The following ITFG2 variants were observed in gnomAD, a reference collection of about 807,000 sequenced individuals.
ITFG2 encodes the protein integrin alpha FG-GAP repeat containing 2, also known as KICSTOR complex protein ITFG2.
ITFG2 carries 36 observed loss-of-function variants against 54.4 expected under a neutral mutation model. The observed-to-expected ratio is 0.66, with a 90% CI of 0.51 to 0.87. ITFG2 has a LOEUF of 0.87. Among genes scored for constraint, ITFG2 ranks in the 40% least tolerant of loss-of-function variants. The pLI is 0.00. For synonymous variants in ITFG2, 211 were observed against 225.4 expected, an observed-to-expected ratio of 0.94 and a Z score of 0.57; for missense variants, 524 against 576.7, an observed-to-expected ratio of 0.91 and a Z score of 0.94.
intron 9 of ITFG2, 152 bp from the exon 10 acceptor site, chr12:2,822,642 T>G (rs571278714): frequency 1.5e-6 from 1 of 686,726 alleles, no homozygotes; most frequent in Admixed American, 2.4e-5. Context: ...GCCTACTTCC[T>G]AGGGTGGCTG....
chr12:2,853,083 G>A (rs961842230), intron 2 of ITFG2, among the ~76,000 whole-genome samples: 3 of 152,074 alleles, frequency 2.0e-5, no homozygotes, highest in African/African-American at 7.2e-5. Flanking sequence ...ATACAGAGAA[G>A]TGTTTGGCAG....
Position 2,818,403 on chromosome 12 carries a change from C to A in ITFG2, c.406+126C>A, listed in dbSNP as rs150644442. The A allele has an allele frequency of 9.2e-6, 14 of 1,514,514 alleles. No individual in the cohort carries two copies. In the East Asian group the frequency reaches 3.4e-4, roughly 37 times the overall value. The allele number at this position is 1,514,514 out of a possible 1,614,324, so 93.8% of individuals were successfully genotyped here. A position where few individuals can be genotyped will look rare whatever the true frequency, so the allele number is the denominator to read the frequency against. ...GTATGCATTTGTTATGTGCTGAGCT[C>A]CCATGATAAGCCAGGCATCACTCAA... On this transcript the variant is annotated intron_variant, in intron 4 of 11. Coordinates refer to ENST00000228799, the MANE Select transcript of ITFG2 (RefSeq NM_018463.4).
chr12:2,855,398 G>T, intron 2 of ITFG2: 2 of 1,496,700 alleles, frequency 1.3e-6, no homozygotes, highest in South Asian at 2.5e-5. Flanking sequence ...AAGAACTCAC[G>T]CTGAGCCCAC....
intron 2 of ITFG2, among the ~76,000 whole-genome samples, chr12:2,853,134 G>C (rs774131695): frequency 1.1e-4 from 17 of 151,980 alleles, no homozygotes; most frequent in Middle Eastern, 3.4e-3. Flanking sequence ...AGTCTCTCTG[G>C]AGTACTCTAA....
chr12:2,814,902 C>A (rs112576221), intron 1 of ITFG2, among the ~76,000 whole-genome samples: 33 of 152,088 alleles, frequency 2.2e-4, no homozygotes, highest in South Asian at 1.5e-3. Context: ...TTAAAAAAAA[C>A]CAGTTTTATG....
chr12:2,836,903 A>C (rs2098029377), exon 1 of ITFG2: 1 of 152,224 alleles, frequency 6.6e-6, no homozygotes, highest in Admixed American at 6.5e-5. Context: ...TACAGCTGTC[A>C]GAAGGAACCA....
At chr12:2,821,054 C>T (rs1183728437) in intron 6 of ITFG2, among the ~76,000 whole-genome samples, 182 bp downstream of exon 6, 3 of 152,224 alleles carry the variant, frequency 2.0e-5, no homozygotes. Context: ...TGGGCTCTAA[C>T]TTTGTAGCAC....
At chr12:2,853,832 A>G (rs1222314339) in intron 2 of ITFG2, among the ~76,000 whole-genome samples, 3 of 152,008 alleles carry the variant, frequency 2.0e-5, no homozygotes, top group Non-Finnish European at 4.4e-5. Context: ...GCTCCTCTCA[A>G]CGTTCCTGGC....
At chr12:2,859,534 G>A in exon 4 of ITFG2, 1 of 1,614,040 alleles carries the variant, frequency 6.2e-7, no homozygotes, top group South Asian at 1.1e-5. Context: ...TCCTCCCCAG[G>A]CTGGATTTCT....
chr12:2,818,177 T>C lies in ITFG2; in HGVS notation c.306T>C (p.Asp102=). 6.2e-7 allele frequency: 1 copy of C among 1,614,184 alleles called. No homozygotes were observed. Among genetic ancestry groups the C allele is most frequent in the Middle Eastern group, 1.6e-4 (1 of 6,062 alleles). The part of the protein sequence containing the change: ...LFDLTPAKVL[D]ASGHHETLIG... ...ACCTGACACCTGCCAAGGTGTTGGATGCTTCTGGGCACCACGAGACACTAA... is the reference window on the plus strand; with the variant it reads ...ACCTGACACCTGCCAAGGTGTTGGACGCTTCTGGGCACCACGAGACACTAA... Residue 102 remains aspartate, a synonymous_variant, in exon 4 of 12, where the codon GAT becomes GAC. Coordinates refer to ENST00000228799, the MANE Select transcript of ITFG2 (RefSeq NM_018463.4).
Position 2,812,933 on chromosome 12 carries a change from A to C in ITFG2, c.96+77A>C, listed in dbSNP as rs999831304. The C allele has an allele frequency of 3.8e-5, 48 of 1,275,978 alleles. No homozygotes were observed. In the Middle Eastern group the frequency reaches 6.6e-4, roughly 18 times the overall value. The allele number at this position is 1,275,978 out of a possible 1,614,324, so 79.0% of individuals were successfully genotyped here. A position where few individuals can be genotyped will look rare whatever the true frequency, so the allele number is the denominator to read the frequency against. ...CAAGGGAAGTGGAAGAGGCCGCCCG[A>C]GCGTGCCACGTGAGCGTGAGCATGC... On this transcript the variant is annotated intron_variant, in intron 1 of 11. Coordinates refer to ENST00000228799, the MANE Select transcript of ITFG2 (RefSeq NM_018463.4).
intron 2 of ITFG2, among the ~76,000 whole-genome samples, chr12:2,849,921 G>C (rs945626241): frequency 6.6e-6 from 1 of 152,160 alleles, no homozygotes; most frequent in East Asian, 1.9e-4. Context: ...GTAAGCCTGC[G>C]GTATTGGGTC....
intron 7 of ITFG2, 54 bp from the exon 8 acceptor site, chr12:2,821,489 C>T (rs758909030): frequency 9.4e-6 from 15 of 1,596,134 alleles, no homozygotes; most frequent in Middle Eastern, 1.8e-4. Context: ...CCCCTCTCCC[C>T]GTAGGCTCTG....
intron 1 of ITFG2, among the ~76,000 whole-genome samples, chr12:2,837,243 C>G (rs368700311): frequency 1.3e-5 from 2 of 150,304 alleles, no homozygotes; most frequent in Non-Finnish European, 3.0e-5. Context: ...TTTGGGAGGC[C>G]GAGGCAGGCG....
At chr12:2,839,939 A>G (rs773952721) in intron 1 of ITFG2, among the ~76,000 whole-genome samples, 59 of 152,160 alleles carry the variant, frequency 3.9e-4, no homozygotes, top group Non-Finnish European at 6.6e-4. Context: ...AACAACAGAC[A>G]CTGGAGACTC....
At chr12:2,855,091 G>A in intron 2 of ITFG2, 1 of 1,535,932 alleles carries the variant, frequency 6.5e-7, no homozygotes, top group South Asian at 1.2e-5. Context: ...CCCCATCCAG[G>A]AGGGAGGGGG....
intron 2 of ITFG2, among the ~76,000 whole-genome samples, chr12:2,844,635 C>T (rs2098049243): frequency 6.6e-6 from 1 of 152,122 alleles, no homozygotes; most frequent in Non-Finnish European, 1.5e-5. Context: ...CATACAGGAC[C>T]TACCTTCAGC....
chr12:2,828,128 C>T, downstream of ITFG2: 5 of 1,393,528 alleles, frequency 3.6e-6, no homozygotes, highest in Non-Finnish European at 5.0e-6. Flanking sequence ...TCCCTCTCTA[C>T]TATGGTTTCA....
At chr12:2,859,722 A>G in exon 4 of ITFG2, 6 of 1,263,608 alleles carry the variant, frequency 4.7e-6, no homozygotes, top group East Asian at 2.4e-5. Context: ...GCACAAAAAT[A>G]TCACATACGG....
Sources: gnomAD v4.1 joint callset for allele counts (sites outside exome capture counted in the v4.1 genomes callset) on GRCh38, gnomAD v4.1.1 for gene constraint, MANE v1.5 for transcripts, NCBI Gene and HGNC (gene_info 2026-07-23, HGNC 2026-07-21) for gene names.